EFR3B: variants seen among roughly 807,000 people sequenced by gnomAD.
The protein encoded by EFR3B is protein EFR3 homolog B.
Under a neutral mutation model 104.7 loss-of-function variants are expected in EFR3B, and 64 were observed. The ratio of observed to expected loss-of-function variants is 0.61; its 90% CI spans 0.50 to 0.75. The LOEUF is 0.75. EFR3B is among the 30% of genes least tolerant of loss of function. The probability of loss-of-function intolerance (pLI) is 0.00; values close to 1 mark genes in which losing one functional copy is unlikely to be tolerated. For synonymous variants in EFR3B, 385 were observed against 417.9 expected (o/e 0.92, Z 0.96); for missense variants, 750 against 1,078.5 (o/e 0.70, Z 4.27).
intron 1 of EFR3B, among the ~76,000 whole-genome samples, chr2:25,077,130 A>G (rs1425339507): frequency 2.0e-5 from 3 of 152,274 alleles, no homozygotes; most frequent in African/African-American, 7.2e-5. Flanking sequence ...CCAATAAAAC[A>G]AAACCAGGCT....
chr2:25,107,516 C>G (rs1239009189), intron 4 of EFR3B, among the ~76,000 whole-genome samples: 2 of 152,182 alleles, frequency 1.3e-5, no homozygotes, highest in Non-Finnish European at 2.9e-5. Flanking sequence ...ACCTGGGAGT[C>G]TCTATATTTT....
chr2:25,120,659 A>G lies in EFR3B; in HGVS notation c.364-1014A>G, dbSNP rs1235322040. Among the ~76,000 whole-genome samples the G allele has an allele frequency of 4.6e-5, 7 of 151,922 alleles. No homozygotes were observed. The Admixed American group carries it at 4.6e-4, about 10-fold the overall frequency. On this transcript the variant is annotated intron_variant, in intron 4 of 22. Coordinates refer to ENST00000403714, the MANE Select transcript of EFR3B (RefSeq NM_014971.2). The stretch of plus-strand genomic sequence containing the variant: ...CTCCGTCTCAAAAACAACAACAACA[A>G]CAACAGCAACAAAAGCCCTGTAAGA...
intron 4 of EFR3B, among the ~76,000 whole-genome samples, chr2:25,115,084 G>A (rs371640474): frequency 6.6e-6 from 1 of 152,308 alleles, no homozygotes; most frequent in East Asian, 1.9e-4. Context: ...GGGAGGCAGA[G>A]GTGGGAGAAT....
intron 4 of EFR3B, among the ~76,000 whole-genome samples, chr2:25,117,407 A>C (rs1045036970): frequency 7.0e-3 from 747 of 107,446 alleles, no homozygotes; most frequent in South Asian, 7.3e-3. Context: ...CCTGTCCCCC[A>C]CCCTCTTTTT....
chr2:25,132,027 C>G, intron 10 of EFR3B, 116 bp downstream of exon 10: 1 of 1,065,162 alleles, frequency 9.4e-7, no homozygotes, highest in Non-Finnish European at 1.2e-6. Flanking sequence ...CGGGGTGGGG[C>G]CAAGGGGAGG....
intron 1 of EFR3B, among the ~76,000 whole-genome samples, chr2:25,065,662 G>C (rs1668315261): frequency 6.6e-6 from 1 of 152,120 alleles, no homozygotes; most frequent in Non-Finnish European, 1.5e-5. Context: ...GCTGGGCCCT[G>C]TGCCTTCACC....
chr2:25,077,340 T>C (rs539795877), intron 1 of EFR3B, among the ~76,000 whole-genome samples: 79 of 152,170 alleles, frequency 5.2e-4, no homozygotes, highest in Non-Finnish European at 1.0e-3. Flanking sequence ...TATGCTGGAG[T>C]GCGATGGCAC....
At chr2:25,132,284 C>T (rs1038279230) in intron 10 of EFR3B, among the ~76,000 whole-genome samples, 4 of 152,196 alleles carry the variant, frequency 2.6e-5, no homozygotes, top group Non-Finnish European at 5.9e-5. Context: ...GGCGAACCTT[C>T]TTTAGTCCCA....
Position 25,121,169 on chromosome 2 carries a change from T to TG in EFR3B, c.364-501dup, listed in dbSNP as rs1348442208. 2.0e-5 allele frequency among the ~76,000 whole-genome samples: 3 copies of TG among 152,228 alleles called. No homozygotes were observed. The East Asian group carries it at 5.8e-4, about 29-fold the overall frequency. ...CACCTGCCTCGGCCTCCCAAAGTGC[T>TG]GGGATTACAGGCATGAGCCACTGTA... On this transcript the variant is annotated intron_variant, in intron 4 of 22. Coordinates refer to ENST00000403714, the MANE Select transcript of EFR3B (RefSeq NM_014971.2).
In EFR3B at chr2:25,116,452, C is replaced by T. The variant is rs1036194419; in HGVS notation, c.364-5221C>T. Among the ~76,000 whole-genome samples the T allele has an allele frequency of 6.6e-5, 10 of 152,056 alleles. No individual in the cohort carries two copies. The East Asian group carries it at 9.6e-4, about 15-fold the overall frequency. On this transcript the variant is annotated intron_variant, in intron 4 of 22. Coordinates refer to ENST00000403714, the MANE Select transcript of EFR3B (RefSeq NM_014971.2). ...CAGCCTGGTCAACATGGCAAAACCC[C>T]GTCTCTACTAAAAATACAAAAATTA...
chr2:25,076,430 A>G (rs953419696), intron 1 of EFR3B, among the ~76,000 whole-genome samples: 1 of 152,036 alleles, frequency 6.6e-6, no homozygotes, highest in African/African-American at 2.4e-5. Flanking sequence ...TAAGAACTTC[A>G]CTCTGTTAAC....
intron 1 of EFR3B, among the ~76,000 whole-genome samples, chr2:25,060,492 T>G (rs1330419142): frequency 1.3e-5 from 2 of 152,090 alleles, no homozygotes; most frequent in Non-Finnish European, 2.9e-5. Flanking sequence ...TTGGATAAAA[T>G]TAAGAGAATG....
chr2:25,070,224 A>T (rs1668458100), intron 1 of EFR3B, among the ~76,000 whole-genome samples: 1 of 151,980 alleles, frequency 6.6e-6, no homozygotes, highest in Non-Finnish European at 1.5e-5. Context: ...TCATTACACA[A>T]TATTTTCCCT....
At chr2:25,142,159 C>T (rs549336005) in intron 17 of EFR3B, among the ~76,000 whole-genome samples, 9 of 151,412 alleles carry the variant, frequency 5.9e-5, no homozygotes, top group Admixed American at 3.9e-4. Flanking sequence ...AAATTTTGCC[C>T]GGGCTGGGCA....
At position 25,157,065 on chromosome 2, in the gene EFR3B, C is replaced by T. The variant is rs1429348200; in HGVS notation, c.*2725C>T. 3 of 152,212 alleles carry T rather than the reference C, an allele frequency of 2.0e-5. No homozygotes were observed. The highest frequency in any genetic ancestry group is 4.4e-5 in the Non-Finnish European group (3 of 68,048). The allele number at this position is 152,212 out of a possible 1,614,324, so 9.4% of individuals were successfully genotyped here. A position where few individuals can be genotyped will look rare whatever the true frequency, so the allele number is the denominator to read the frequency against. On this transcript the variant is annotated 3_prime_UTR_variant, in exon 23 of 23. Transcript: ENST00000403714. ...CCCCAGATGTTTCTGCCCCTCATCC[C>T]CATCCTGTGAATAGAGAGACAGAAA...
chr2:25,131,564 G>A lies in EFR3B; in HGVS notation c.985+61G>A, dbSNP rs1670335753. 6.5e-7 allele frequency: 1 copy of A among 1,541,246 alleles called. No homozygotes were observed. The highest frequency in any genetic ancestry group is 1.4e-5 in the African/African-American group (1 of 72,980). On this transcript the variant is annotated intron_variant, in intron 9 of 22. Coordinates refer to ENST00000403714, the MANE Select transcript of EFR3B (RefSeq NM_014971.2). This position sits in a 1 kb window ranked among gnomAD's most constrained non-coding sequence, Gnocchi z 7.6. ...CCCGCGGAGGCTGCCGCCTCTTACAGAGAGAGGCAAGGGACAACAGGGAGG... is the reference window on the plus strand; with the variant it reads ...CCCGCGGAGGCTGCCGCCTCTTACAAAGAGAGGCAAGGGACAACAGGGAGG...
intron 16 of EFR3B, among the ~76,000 whole-genome samples, chr2:25,139,528 C>T (rs1490186302): frequency 6.6e-6 from 1 of 151,564 alleles, no homozygotes; most frequent in Non-Finnish European, 1.5e-5. Context: ...CTATGAAATA[C>T]CGCAAAAGTG....
chr2:25,068,751 T>A (rs1425402531), intron 1 of EFR3B, among the ~76,000 whole-genome samples: 1 of 150,300 alleles, frequency 6.7e-6, no homozygotes, highest in Non-Finnish European at 1.5e-5. Context: ...TGCCTTAGCC[T>A]CCAGAGTAGC....
In EFR3B at chr2:25,148,817, G is replaced by A. The variant is rs529775695; in HGVS notation, c.2143-877G>A. Among the ~76,000 whole-genome samples the A allele has an allele frequency of 4.6e-3, 688 of 149,968 alleles. 10 individuals are homozygous for A. The highest frequency in any genetic ancestry group is 0.016 in the African/African-American group (665 of 40,904). ...GGCGCCTGTAGTCCCAGCTACTTGG[G>A]AGGCTGAGGCAGGAGAATGGCGTGA... On this transcript the variant is annotated intron_variant, in intron 19 of 22. Coordinates refer to ENST00000403714, the MANE Select transcript of EFR3B (RefSeq NM_014971.2).
Sources: allele counts gnomAD v4.1 joint callset (sites outside exome capture counted in the v4.1 genomes callset), GRCh38; gene constraint gnomAD v4.1.1; non-coding constraint Gnocchi (gnomAD v3.1); transcripts MANE v1.5; gene names NCBI Gene and HGNC (gene_info 2026-07-23, HGNC 2026-07-21).